The following SKIC3 variants were observed in gnomAD, a reference collection of about 807,000 sequenced individuals.
The protein encoded by SKIC3 is superkiller complex protein 3.
the SKIC3 span, chr5:95,516,540 GAT>G: frequency 1.2e-6 from 2 of 1,613,146 alleles, no homozygotes; most frequent in African/African-American, 2.7e-5. Context: ...GTTCTGACTG[GAT>G]TGATTTGATG....
chr5:95,532,164 A>T, the SKIC3 span, among the ~76,000 whole-genome samples: 2 of 152,170 alleles, frequency 1.3e-5, no homozygotes, highest in Non-Finnish European at 2.9e-5. Context: ...AAAATAGTTA[A>T]GAAAAATCAT....
chr5:95,498,355 A>C, the SKIC3 span: 4 of 1,613,670 alleles, frequency 2.5e-6, no homozygotes, highest in East Asian at 2.2e-5. Flanking sequence ...CCAGGTTCAC[A>C]AATACAGAAT....
the SKIC3 span, among the ~76,000 whole-genome samples, chr5:95,495,748 G>T: frequency 6.6e-6 from 1 of 152,146 alleles, no homozygotes; most frequent in African/African-American, 2.4e-5. Context: ...TCTCTAAGAG[G>T]TTGTTAGATG....
chr5:95,543,183 C>T, the SKIC3 span: 2 of 1,613,632 alleles, frequency 1.2e-6, no homozygotes, highest in African/African-American at 1.3e-5. Context: ...TTTCTACATA[C>T]CTGCCAAGCT....
the SKIC3 span, chr5:95,478,450 A>G: frequency 1.2e-6 from 2 of 1,613,810 alleles, no homozygotes; most frequent in Non-Finnish European, 1.7e-6. Flanking sequence ...CCACTAAGAA[A>G]CAAAAAAGGA....
the SKIC3 span, among the ~76,000 whole-genome samples, chr5:95,549,597 T>C: frequency 3.3e-5 from 5 of 152,048 alleles, no homozygotes; most frequent in African/African-American, 1.2e-4. Context: ...CTTCATTTGA[T>C]GCAACATTTA....
At chr5:95,526,018 G>A in the SKIC3 span, among the ~76,000 whole-genome samples, 1 of 151,900 alleles carries the variant, frequency 6.6e-6, no homozygotes, top group East Asian at 1.9e-4. Flanking sequence ...CCCAGATATT[G>A]TAACTTTTTA....
the SKIC3 span, chr5:95,536,773 A>C: frequency 2.7e-6 from 4 of 1,483,944 alleles, no homozygotes; most frequent in African/African-American, 5.5e-5. Flanking sequence ...CACTCACATA[A>C]TCACACACCT....
At chr5:95,506,014 T>C in the SKIC3 span, among the ~76,000 whole-genome samples, 1 of 152,212 alleles carries the variant, frequency 6.6e-6, no homozygotes, top group South Asian at 2.1e-4. Context: ...CTTACATTAG[T>C]ACTTAGATTA....
the SKIC3 span, chr5:95,521,241 G>T: frequency 6.4e-6 from 1 of 155,564 alleles, no homozygotes; most frequent in Non-Finnish European, 1.4e-5. Context: ...ATGAAATAGT[G>T]ATTACCTAAA....
At chr5:95,520,775 A>C in the SKIC3 span, 3 of 1,612,364 alleles carry the variant, frequency 1.9e-6, no homozygotes, top group South Asian at 3.3e-5. Flanking sequence ...CAAGATAATC[A>C]ACTAGAGCTG....
At chr5:95,528,063 T>C in the SKIC3 span, 1 of 1,613,688 alleles carries the variant, frequency 6.2e-7, no homozygotes, top group African/African-American at 1.3e-5. Context: ...TCTGAGAGTT[T>C]AATCAAAGCC....
the SKIC3 span, among the ~76,000 whole-genome samples, chr5:95,481,835 C>T: frequency 6.6e-6 from 1 of 152,084 alleles, no homozygotes; most frequent in East Asian, 1.9e-4. Flanking sequence ...GAATAAAAAA[C>T]AAATTATAGT....
At chr5:95,509,967 G>T in the SKIC3 span, among the ~76,000 whole-genome samples, 1 of 152,056 alleles carries the variant, frequency 6.6e-6, no homozygotes, top group Non-Finnish European at 1.5e-5. Flanking sequence ...TATAGTTCTT[G>T]TTAAAACCAG....
At chr5:95,537,256 T>C in the SKIC3 span, 1 of 947,236 alleles carries the variant, frequency 1.1e-6, no homozygotes, top group East Asian at 2.6e-5. Flanking sequence ...TATTCTACAG[T>C]CTAACCCTGA....
At chr5:95,510,316 A>G in the SKIC3 span, among the ~76,000 whole-genome samples, 4 of 152,224 alleles carry the variant, frequency 2.6e-5, no homozygotes, top group Non-Finnish European at 4.4e-5. Context: ...TTTGGGAGGA[A>G]CTTGGTTTAT....
At chr5:95,464,481 T>G in the SKIC3 span, 1 of 742,298 alleles carries the variant, frequency 1.3e-6, no homozygotes. Context: ...AACTTCAACT[T>G]CTCTAGATTC....
At chr5:95,522,391 G>A in the SKIC3 span, 58 of 1,497,480 alleles carry the variant, frequency 3.9e-5, no homozygotes, top group Non-Finnish European at 4.9e-5. Flanking sequence ...AATAATTCAA[G>A]TAAACATATA....
At chr5:95,506,645 T>A in the SKIC3 span, among the ~76,000 whole-genome samples, 1 of 152,176 alleles carries the variant, frequency 6.6e-6, no homozygotes, top group Admixed American at 6.5e-5. Context: ...ATCTAATTCC[T>A]CTTCCAATTA....
Sources: allele counts gnomAD v4.1 joint callset (sites outside exome capture counted in the v4.1 genomes callset), GRCh38; gene constraint gnomAD v4.1.1; transcripts MANE v1.5; gene names NCBI Gene and HGNC (gene_info 2026-07-23, HGNC 2026-07-21).